CDH2: variants seen among roughly 807,000 people sequenced by gnomAD.
The protein encoded by CDH2 is cadherin-2.
In CDH2, 17 loss-of-function variants were observed where a neutral mutation model predicts 92.0. The ratio of observed to expected loss-of-function variants is 0.18; its 90% confidence interval spans 0.13 to 0.28. CDH2 has a LOEUF of 0.28. Ranked by LOEUF, CDH2 falls within the 10% of genes least tolerant of loss-of-function variation. The pLI, the probability that CDH2 is intolerant of heterozygous loss-of-function variation, is 1.00. For missense variants in CDH2, 862 were observed against 1,133.1 expected (o/e 0.76, Z 3.44); for synonymous variants, 419 against 415.9 (o/e 1.01, Z -0.09).
At chr18:28,106,358 A>T (rs2015321152) in intron 2 of CDH2, among the ~76,000 whole-genome samples, 1 of 152,114 alleles carries the variant, frequency 6.6e-6, no homozygotes, top group African/African-American at 2.4e-5. Context: ...CGGCGGTTGC[A>T]GTGAGCCGAG....
intron 14 of CDH2, among the ~76,000 whole-genome samples, chr18:27,973,062 A>C (rs1041588433): frequency 2.0e-5 from 3 of 152,158 alleles, no homozygotes; most frequent in African/African-American, 7.2e-5. Flanking sequence ...TGAATTGTCA[A>C]CCCTTGAAGT....
At chr18:28,002,057 A>T (rs2012784315) in intron 7 of CDH2, among the ~76,000 whole-genome samples, 1 of 152,236 alleles carries the variant, frequency 6.6e-6, no homozygotes, top group Admixed American at 6.5e-5. Context: ...CAATGATTAC[A>T]TGTGGTCAAA....
chr18:27,947,362 T>C (rs572355623), downstream of CDH2, among the ~76,000 whole-genome samples: 7 of 151,956 alleles, frequency 4.6e-5, no homozygotes, highest in African/African-American at 1.7e-4. Flanking sequence ...GTATATACAA[T>C]GTGAAAAGTG....
intron 15 of CDH2, among the ~76,000 whole-genome samples, chr18:27,961,070 ACAAACAAACACACACT>A (rs1359465714): frequency 6.6e-6 from 1 of 151,652 alleles, no homozygotes; most frequent in African/African-American, 2.4e-5. Flanking sequence ...ACACACACAC[ACAAACAAACACACACT>A]CAAACATAAA....
intron 2 of CDH2, among the ~76,000 whole-genome samples, chr18:28,117,115 A>G (rs375575425): frequency 2.0e-5 from 3 of 152,152 alleles, no homozygotes; most frequent in East Asian, 3.9e-4. Context: ...CTGCTATTTA[A>G]TATTCTCTTT....
Position 27,992,703 on chromosome 18 carries a change from G to A in CDH2, c.1296C>T (p.Ala432=). 1 of 1,613,860 alleles carries A rather than the reference G, an allele frequency of 6.2e-7. No individual in the cohort carries two copies. The highest frequency in any genetic ancestry group is 8.5e-7 in the Non-Finnish European group (1 of 1,179,860). Residue 432 remains alanine (A), a synonymous_variant, in exon 9 of 16, where the codon GCC becomes GCT. Transcript: ENST00000269141. The stretch of plus-strand genomic sequence containing the variant: ...CGTTGCTGTTTGGGTCGGTCTGGAT[G>A]GCGAACCGTCCAGTAGGATCTCCGC... ...ISGGDPTGRF[A]IQTDPNSNDG...
At position 28,032,865 on chromosome 18, in the gene CDH2, G is replaced by A. The variant is rs117492277; in HGVS notation, c.173-18956C>T. Among the ~76,000 whole-genome samples, 11 of 152,080 alleles carry A rather than the reference G, an allele frequency of 7.2e-5. No homozygotes were observed. The East Asian group carries it at 1.6e-3, about 21-fold the overall frequency. Reference sequence around the variant, plus strand: ...CTTGTTGAACTGCCCCACACTCAACGAAAATGAACTACATGATTCCTAATC... The same window carrying A: ...CTTGTTGAACTGCCCCACACTCAACAAAAATGAACTACATGATTCCTAATC... On this transcript the variant is annotated intron_variant, in intron 2 of 15. Transcript: ENST00000269141.
chr18:28,118,943 A>C (rs1451015319), intron 2 of CDH2, among the ~76,000 whole-genome samples: 1 of 152,120 alleles, frequency 6.6e-6, no homozygotes, highest in Admixed American at 6.6e-5. Context: ...TCTCTAATTA[A>C]ATAGACATAA....
intron 2 of CDH2, among the ~76,000 whole-genome samples, chr18:28,106,575 T>G (rs2015326560): frequency 6.6e-6 from 1 of 151,548 alleles, no homozygotes; most frequent in Non-Finnish European, 1.5e-5. Context: ...GATTTAAAAA[T>G]ATGATGTCAC....
intron 2 of CDH2, among the ~76,000 whole-genome samples, chr18:28,143,972 G>C (rs1186909212): frequency 1.3e-5 from 2 of 151,896 alleles, no homozygotes; most frequent in East Asian, 1.9e-4. Flanking sequence ...ACAGGGAGGG[G>C]AACAACACAC....
At chr18:28,176,560 G>A (rs2016545547) in intron 1 of CDH2, among the ~76,000 whole-genome samples, 1 of 152,106 alleles carries the variant, frequency 6.6e-6, no homozygotes, top group Non-Finnish European at 1.5e-5. Context: ...ACCCATCCCT[G>A]CAGAAATAAA....
chr18:27,943,752 T>C (rs1037311904), intron 6 of CDH2, among the ~76,000 whole-genome samples: 1 of 152,146 alleles, frequency 6.6e-6, no homozygotes, highest in Non-Finnish European at 1.5e-5. Flanking sequence ...TGGCCATAGT[T>C]TTGGTTCAAC....
Position 28,150,797 on chromosome 18 carries a change from C to CA in CDH2, c.61-3014dup, listed in dbSNP as rs1216560839. Among the ~76,000 whole-genome samples, 15 of 152,286 alleles carry CA rather than the reference C, an allele frequency of 9.8e-5. No homozygotes were observed. In the South Asian group the frequency reaches 1.5e-3, roughly 15 times the overall value. On this transcript the variant is annotated intron_variant, in intron 1 of 15. Coordinates refer to ENST00000269141, the MANE Select transcript of CDH2 (RefSeq NM_001792.5). ...TTTCCTAAATTCTTCTTCCTTAAGA[C>CA]AAAACGGATCCACAAAATAATATAA...
intron 11 of CDH2, among the ~76,000 whole-genome samples, chr18:27,987,885 A>T (rs968423120): frequency 3.9e-5 from 6 of 152,206 alleles, no homozygotes; most frequent in African/African-American, 1.4e-4. Context: ...CAGAGCTTGA[A>T]GTCTGAAACA....
At chr18:28,003,872 G>A (rs1294976422) in intron 6 of CDH2, among the ~76,000 whole-genome samples, 4 of 152,198 alleles carry the variant, frequency 2.6e-5, no homozygotes, top group Admixed American at 2.6e-4. Flanking sequence ...TAATTTAGAA[G>A]TAGAGTGAGA....
chr18:28,069,094 A>T (rs960829320), intron 2 of CDH2, among the ~76,000 whole-genome samples: 84 of 152,324 alleles, frequency 5.5e-4, no homozygotes, highest in African/African-American at 1.9e-3. Flanking sequence ...ATGAAAATTA[A>T]TTCATCTCAA....
At chr18:27,992,959 TGAG>T in intron 8 of CDH2, 119 bp from the exon 9 acceptor site, 1 of 595,522 alleles carries the variant, frequency 1.7e-6, no homozygotes, top group East Asian at 2.8e-5. Context: ...CTACACTAAA[TGAG>T]GAGACTGATA....
intron 1 of CDH2, among the ~76,000 whole-genome samples, chr18:28,149,321 G>T (rs1028316768): frequency 1.3e-5 from 2 of 152,140 alleles, no homozygotes; most frequent in African/African-American, 2.4e-5. Context: ...AAAGCCAAAA[G>T]AAGAAAACAA....
At chr18:27,955,885 G>A (rs1362907884) in intron 15 of CDH2, among the ~76,000 whole-genome samples, 2 of 149,700 alleles carry the variant, frequency 1.3e-5, no homozygotes, top group Non-Finnish European at 3.0e-5. Context: ...CAAAATCACT[G>A]AACTTTTCAA....
Sources: gnomAD v4.1 joint callset for allele counts (sites outside exome capture counted in the v4.1 genomes callset) on GRCh38, gnomAD v4.1.1 for gene constraint, MANE v1.5 for transcripts, NCBI Gene and HGNC (gene_info 2026-07-23, HGNC 2026-07-21) for gene names.